Variants in IMPG1 observed in about 807,000 individuals in gnomAD.
IMPG1 encodes the protein interphotoreceptor matrix proteoglycan 1, also known as interphotoreceptor matrix proteoglycan of 150 kDa.
A neutral mutation model predicts 92.0 loss-of-function variants in IMPG1; 85 were observed. That is an observed-to-expected ratio of 0.92 (90% CI 0.78 to 1.11). The LOEUF (loss-of-function observed/expected upper bound fraction) is 1.11. Among genes scored for constraint, IMPG1 ranks in the 50% least tolerant of loss-of-function variants. The pLI, the probability that IMPG1 is intolerant of heterozygous loss-of-function variation, is 0.00. For synonymous variants in IMPG1, 367 were observed against 334.1 expected, an observed-to-expected ratio of 1.10 and a Z score of -1.08; for missense variants, 1,022 against 956.0, an observed-to-expected ratio of 1.07 and a Z score of -0.91.
At chr6:75,992,381 T>C (rs1224741796) in intron 12 of IMPG1, among the ~76,000 whole-genome samples, 3 of 152,216 alleles carry the variant, frequency 2.0e-5, no homozygotes, top group Admixed American at 6.5e-5. Context: ...GAAAAGAAAT[T>C]TGGTGTCTTG....
intron 1 of IMPG1, among the ~76,000 whole-genome samples, chr6:76,066,494 C>G (rs904360777): frequency 3.3e-5 from 5 of 152,008 alleles, no homozygotes; most frequent in Admixed American, 1.3e-4. Flanking sequence ...ATAACGGGAT[C>G]AATTTAACAA....
chr6:75,957,490 T>C (rs1396876112), intron 12 of IMPG1, among the ~76,000 whole-genome samples: 1 of 152,210 alleles, frequency 6.6e-6, no homozygotes, highest in Non-Finnish European at 1.5e-5. Context: ...TTGATCTGTC[T>C]AATATAGATA....
At chr6:76,020,997 C>G (rs182745135) in intron 6 of IMPG1, among the ~76,000 whole-genome samples, 8 of 152,282 alleles carry the variant, frequency 5.3e-5, no homozygotes, top group Admixed American at 5.2e-4. Context: ...ATTAACATAG[C>G]TAGATCATTT....
intron 15 of IMPG1, among the ~76,000 whole-genome samples, chr6:75,925,884 T>C (rs1017168594): frequency 2.0e-5 from 3 of 151,542 alleles, no homozygotes; most frequent in Admixed American, 6.6e-5. Flanking sequence ...CAGGATGGTC[T>C]CGAACTCCTG....
intron 6 of IMPG1, among the ~76,000 whole-genome samples, chr6:76,021,778 CATATATATAT>C (rs140827081): frequency 6.1e-5 from 3 of 49,490 alleles, no homozygotes; most frequent in African/African-American, 1.5e-4. Flanking sequence ...ACTTGGAGAG[CATATATATAT>C]ATATATATAT....
intron 2 of IMPG1, among the ~76,000 whole-genome samples, chr6:76,040,967 G>A (rs1341385569): frequency 6.6e-6 from 1 of 152,018 alleles, no homozygotes; most frequent in Non-Finnish European, 1.5e-5. Flanking sequence ...AATAAAGCAG[G>A]GTGGCTCTGC....
intron 1 of IMPG1, among the ~76,000 whole-genome samples, chr6:76,062,048 T>A (rs1467461557): frequency 6.6e-6 from 1 of 152,212 alleles, no homozygotes; most frequent in African/African-American, 2.4e-5. Flanking sequence ...GTATATTCTG[T>A]ATCTAGCACA....
chr6:76,018,925 A>G, intron 6 of IMPG1, 67 bp from the exon 7 acceptor site: 1 of 1,418,492 alleles, frequency 7.0e-7, no homozygotes, highest in Non-Finnish European at 9.5e-7. Flanking sequence ...TATTTTAGAT[A>G]ATATATGTTG....
chr6:76,027,164 T>A (rs1783556749), intron 4 of IMPG1, among the ~76,000 whole-genome samples: 1 of 152,214 alleles, frequency 6.6e-6, no homozygotes, highest in African/African-American at 2.4e-5. Context: ...TAAAGATTAT[T>A]GGTAAAATGA....
At chr6:75,989,657 A>G (rs1782782692) in intron 12 of IMPG1, among the ~76,000 whole-genome samples, 1 of 152,218 alleles carries the variant, frequency 6.6e-6, no homozygotes, top group Admixed American at 6.5e-5. Context: ...AGCCTGGCCA[A>G]CATGGTGAAA....
chr6:75,983,878 G>T lies in IMPG1; in HGVS notation c.1291+19040C>A, dbSNP rs569116773. ...ACTGAAAAAACTCAATGGCAAAAAA[G>T]CAAATAACCTGACTAAAAAATGGCA... On this transcript the variant is annotated intron_variant, in intron 12 of 16. Transcript: ENST00000369950. Among the ~76,000 whole-genome samples the T allele has an allele frequency of 2.0e-5, 3 of 152,078 alleles. No homozygotes were observed. In the South Asian group the frequency reaches 6.2e-4, roughly 32 times the overall value.
chr6:76,064,757 G>A (rs2127598381), intron 1 of IMPG1, among the ~76,000 whole-genome samples: 1 of 152,248 alleles, frequency 6.6e-6, no homozygotes, highest in South Asian at 2.1e-4. Context: ...CAAAGATCAA[G>A]CATATACCTA....
At chr6:75,965,639 G>T (rs1290578339) in intron 12 of IMPG1, among the ~76,000 whole-genome samples, 2 of 114,422 alleles carry the variant, frequency 1.7e-5, no homozygotes, top group South Asian at 2.7e-4. Context: ...ACGGAGTCTC[G>T]CTCTGTCGCT....
intron 1 of IMPG1, among the ~76,000 whole-genome samples, chr6:76,049,765 C>A (rs961595526): frequency 2.6e-5 from 4 of 152,046 alleles, no homozygotes; most frequent in Non-Finnish European, 5.9e-5. Flanking sequence ...CTGGGAGGGT[C>A]TTATGAAAGA....
chr6:75,972,803 T>C (rs1171272464), intron 12 of IMPG1, among the ~76,000 whole-genome samples: 1 of 152,210 alleles, frequency 6.6e-6, no homozygotes, highest in Non-Finnish European at 1.5e-5. Flanking sequence ...CAGCATAAAA[T>C]AGTAATTTAA....
chr6:75,974,125 A>C (rs527649614), intron 12 of IMPG1, among the ~76,000 whole-genome samples: 2 of 152,352 alleles, frequency 1.3e-5, no homozygotes, highest in African/African-American at 4.8e-5. Flanking sequence ...CAAAGATCAA[A>C]GCAACAAGAG....
Position 76,034,892 on chromosome 6 carries a change from C to T in IMPG1, c.302-105G>A, listed in dbSNP as rs148581325. The T allele has an allele frequency of 1.9e-3, 1,733 of 897,768 alleles. 15 individuals carry two copies. In the African/African-American group the frequency reaches 0.025, roughly 13 times the overall value. The allele number at this position is 897,768 out of a possible 1,614,324, so 55.6% of individuals were successfully genotyped here. On this transcript the variant is annotated intron_variant, in intron 2 of 16. Coordinates refer to ENST00000369950, the MANE Select transcript of IMPG1 (RefSeq NM_001563.4). ...AATTATTTCATGGCTTATGTCGACA[C>T]ACTAATTTACAGTCTCTAAAAGTTA...
intron 12 of IMPG1, among the ~76,000 whole-genome samples, chr6:76,001,196 G>C (rs886824889): frequency 1.3e-5 from 2 of 152,172 alleles, no homozygotes; most frequent in African/African-American, 4.8e-5. Context: ...TTTCATCATA[G>C]ATATACTATT....
intron 12 of IMPG1, among the ~76,000 whole-genome samples, chr6:75,968,992 A>G (rs1435416179): frequency 6.6e-6 from 1 of 152,258 alleles, no homozygotes; most frequent in East Asian, 1.9e-4. Context: ...TGCTTAAAAA[A>G]GAAGAAAATT....
Sources: gnomAD v4.1 joint callset for allele counts (sites outside exome capture counted in the v4.1 genomes callset) on GRCh38, gnomAD v4.1.1 for gene constraint, MANE v1.5 for transcripts, NCBI Gene and HGNC (gene_info 2026-07-23, HGNC 2026-07-21) for gene names.